HSD17B12: variants seen among roughly 807,000 people sequenced by gnomAD.
HSD17B12 encodes very-long-chain 3-oxoacyl-CoA reductase.
HSD17B12 carries 32 observed loss-of-function variants against 39.3 expected under a neutral mutation model. The ratio of observed to expected loss-of-function variants is 0.81; its 90% CI spans 0.61 to 1.09. The LOEUF (loss-of-function observed/expected upper bound fraction) is 1.09. Ranked by LOEUF, HSD17B12 falls within the 50% of genes least tolerant of loss-of-function variation. The pLI is 0.00. For synonymous variants in HSD17B12, 150 were observed against 146.7 expected, an observed-to-expected ratio of 1.02 and a Z score of -0.16; for missense variants, 342 against 382.9, an observed-to-expected ratio of 0.89 and a Z score of 0.89.
chr11:43,607,919 G>C, the HSD17B12 span, among the ~76,000 whole-genome samples: 4 of 152,132 alleles, frequency 2.6e-5, no homozygotes, highest in African/African-American at 9.7e-5. Context: ...ACCCTGATCT[G>C]AGACTGTTCC....
At position 43,849,570 on chromosome 11, in the gene HSD17B12, T is replaced by C. The variant is rs558541797; in HGVS notation, c.685-5145T>C. 3.3e-5 allele frequency among the ~76,000 whole-genome samples: 5 copies of C among 152,300 alleles called. No homozygotes were observed. In the East Asian group the frequency reaches 9.6e-4, roughly 29 times the overall value. Reference sequence around the variant, plus strand: ...CAAAGGCTCTTCACCCAGATATTCTTTTGGCCAACTCCATCTCTTTGTTCA... The same window carrying C: ...CAAAGGCTCTTCACCCAGATATTCTCTTGGCCAACTCCATCTCTTTGTTCA... On this transcript the variant is annotated intron_variant, in intron 9 of 10. Transcript: ENST00000278353.
intron 1 of HSD17B12, among the ~76,000 whole-genome samples, chr11:43,728,434 G>A (rs1278662310): frequency 6.6e-6 from 1 of 151,194 alleles, no homozygotes; most frequent in Non-Finnish European, 1.5e-5. Flanking sequence ...CATTACACAA[G>A]AAATATATTT....
chr11:43,747,969 C>G (rs1206980177), intron 1 of HSD17B12, among the ~76,000 whole-genome samples: 2 of 152,034 alleles, frequency 1.3e-5, no homozygotes, highest in African/African-American at 4.8e-5. Context: ...AGGCTGGTCC[C>G]CAACAGTTCT....
chr11:43,610,529 G>A, the HSD17B12 span, among the ~76,000 whole-genome samples: 6 of 152,064 alleles, frequency 3.9e-5, no homozygotes, highest in Admixed American at 1.3e-4. Context: ...TTCAAACTCT[G>A]GCTCTGACAC....
the HSD17B12 span, among the ~76,000 whole-genome samples, chr11:43,674,221 T>G: frequency 1.3e-5 from 2 of 152,200 alleles, no homozygotes; most frequent in Non-Finnish European, 2.9e-5. Context: ...CATTAGATGT[T>G]AAATTTCAGC....
At position 43,813,936 on chromosome 11, in the gene HSD17B12, T is replaced by C. The variant is rs534631964; in HGVS notation, c.392-1501T>C. On this transcript the variant is annotated intron_variant, in intron 4 of 10. Transcript: ENST00000278353. The stretch of plus-strand genomic sequence containing the variant: ...CTTACAGCCTCAAGTGATTGGCTTA[T>C]AATTAAATATAAAACCCTTACTGAG... Among the ~76,000 whole-genome samples, 64 of 152,322 alleles carry C rather than the reference T, an allele frequency of 4.2e-4. No homozygotes were observed. In the Middle Eastern group the frequency reaches 0.017, roughly 40 times the overall value.
At chr11:43,705,371 C>T (rs997429524) in intron 1 of HSD17B12, among the ~76,000 whole-genome samples, 44 of 152,152 alleles carry the variant, frequency 2.9e-4, no homozygotes, top group African/African-American at 9.7e-4. Flanking sequence ...ATTGGATTTT[C>T]AATTAACTTG....
intron 3 of HSD17B12, among the ~76,000 whole-genome samples, chr11:43,768,095 A>T (rs1057389377): frequency 6.6e-6 from 1 of 152,170 alleles, no homozygotes; most frequent in Non-Finnish European, 1.5e-5. Flanking sequence ...ACTGAGTTCT[A>T]ATCTTTGACT....
At chr11:43,809,734 C>T (rs1264926330) in intron 4 of HSD17B12, among the ~76,000 whole-genome samples, 3 of 152,232 alleles carry the variant, frequency 2.0e-5, no homozygotes, top group Non-Finnish European at 1.5e-5. Flanking sequence ...GCAGGAGAAT[C>T]GCTTGAACCC....
chr11:43,763,558 TTTG>T (rs1950570802), intron 3 of HSD17B12, among the ~76,000 whole-genome samples: 1 of 149,876 alleles, frequency 6.7e-6, no homozygotes, highest in African/African-American at 2.4e-5. Flanking sequence ...ATAAGCTTTC[TTTG>T]TTGATTTCAA....
At chr11:43,739,980 T>A (rs535516459) in intron 1 of HSD17B12, among the ~76,000 whole-genome samples, 1 of 152,048 alleles carries the variant, frequency 6.6e-6, no homozygotes, top group East Asian at 1.9e-4. Context: ...GGCTACAATG[T>A]AGAGATTGAA....
intron 1 of HSD17B12, among the ~76,000 whole-genome samples, chr11:43,690,404 A>ATTTTTTTT (rs1206545700): frequency 3.2e-4 from 8 of 24,950 alleles, no homozygotes; most frequent in African/African-American, 5.7e-4. Context: ...ATATATATAT[A>ATTTTTTTT]TTTTTTTTTT....
chr11:43,824,294 C>T (rs1951211165), intron 6 of HSD17B12, among the ~76,000 whole-genome samples: 1 of 152,144 alleles, frequency 6.6e-6, no homozygotes, highest in Non-Finnish European at 1.5e-5. Context: ...TCCAAGTGTT[C>T]AATGTACTCA....
chr11:43,680,886 C>T lies in HSD17B12; in HGVS notation c.59C>T (p.Ala20Val), dbSNP rs768782498. The change falls in exon 1 of 11, where the codon GCC becomes GTC. Residue 20 changes from alanine (A) to valine (V), a missense_variant. Transcript: ENST00000278353. Reference sequence around the variant, plus strand: ...TACTGGGTCGGCGCGGGCACCGTGGCCTACCTAGCCCTGCGTATTTCGTAC... The same window carrying T: ...TACTGGGTCGGCGCGGGCACCGTGGTCTACCTAGCCCTGCGTATTTCGTAC... ...FLYWVGAGTV[A>V]YLALRISYSL... 8 of 1,613,914 alleles carry T rather than the reference C, an allele frequency of 5.0e-6. No individual in the cohort carries two copies. The African/African-American group carries it at 6.7e-5, about 13-fold the overall frequency.
At chr11:43,731,408 CT>C (rs1950265968) in intron 1 of HSD17B12, among the ~76,000 whole-genome samples, 1 of 152,140 alleles carries the variant, frequency 6.6e-6, no homozygotes, top group South Asian at 2.1e-4. Flanking sequence ...GATAAGTTAG[CT>C]AGTGGAATTA....
chr11:43,647,427 C>CTGTAGTTCTTGCT, the HSD17B12 span, among the ~76,000 whole-genome samples: 2 of 149,486 alleles, frequency 1.3e-5, no homozygotes, highest in African/African-American at 4.9e-5. Context: ...AGGCATGCTC[C>CTGTAGTTCTTGCT]ACCACACCTT....
At chr11:43,609,140 A>T in the HSD17B12 span, among the ~76,000 whole-genome samples, 24 of 151,328 alleles carry the variant, frequency 1.6e-4, no homozygotes, top group African/African-American at 5.8e-4. Context: ...AATTTTCGTC[A>T]TGTTGTCCAG....
At chr11:43,770,679 G>A (rs527271764) in intron 3 of HSD17B12, among the ~76,000 whole-genome samples, 1 of 152,230 alleles carries the variant, frequency 6.6e-6, no homozygotes, top group South Asian at 2.1e-4. Context: ...AGGCTGCAAT[G>A]AGCCACTGTC....
the HSD17B12 span, among the ~76,000 whole-genome samples, chr11:43,561,853 T>C: frequency 6.6e-6 from 1 of 152,332 alleles, no homozygotes; most frequent in African/African-American, 2.4e-5. Context: ...TGAATAATGA[T>C]TGACTGTTTA....
Sources: gnomAD v4.1 joint callset for allele counts (sites outside exome capture counted in the v4.1 genomes callset) on GRCh38, gnomAD v4.1.1 for gene constraint, MANE v1.5 for transcripts, NCBI Gene and HGNC (gene_info 2026-07-23, HGNC 2026-07-21) for gene names.